The following STX16 variants were observed in gnomAD, a reference collection of about 807,000 sequenced individuals.
STX16 encodes the protein syntaxin-16.
A neutral mutation model predicts 42.7 loss-of-function variants in STX16; 28 were observed. The observed-to-expected ratio is 0.66, with a 90% CI of 0.49 to 0.90. The LOEUF is 0.90. Among genes scored for constraint, STX16 ranks in the 40% least tolerant of loss-of-function variants. The pLI is 0.00. For missense variants in STX16, 361 were observed against 420.9 expected (o/e 0.86, Z 1.24); for synonymous variants, 156 against 155.2 (o/e 1.00, Z -0.04).
chr20:58,651,939 GAA>G lies in STX16; in HGVS notation c.-66_-65del. 6.4e-7 allele frequency: 1 copy of G among 1,554,786 alleles called. No individual in the cohort carries two copies. Among genetic ancestry groups the G allele is most frequent in the Non-Finnish European group, 8.8e-7 (1 of 1,131,432 alleles). On this transcript the variant is annotated 5_prime_UTR_variant, in exon 1 of 9. Coordinates refer to ENST00000371141, the MANE Select transcript of STX16 (RefSeq NM_001001433.3). Reference sequence around the variant, plus strand: ...GGTGGGCCAGCCGGGCCACGAGAAAGAAAGTGAATAAATCAGGAATATAAGTG... The same window carrying G: ...GGTGGGCCAGCCGGGCCACGAGAAAGAGTGAATAAATCAGGAATATAAGTG...
chr20:58,663,803 G>A (rs760937028), intron 2 of STX16, among the ~76,000 whole-genome samples: 13 of 152,098 alleles, frequency 8.5e-5, no homozygotes, highest in Non-Finnish European at 1.0e-4. Flanking sequence ...TCAGCTTCCC[G>A]AGTAGCTGGG....
rs757042617 is a variant in STX16 at position 58,652,152 on chromosome 20, C to A, written c.132+14C>A. 10 of 1,612,950 alleles carry A rather than the reference C, an allele frequency of 6.2e-6. No individual in the cohort carries two copies. In the South Asian group the frequency reaches 1.1e-4, roughly 18 times the overall value. On this transcript the variant is annotated intron_variant, in intron 1 of 8. Transcript: ENST00000371141. ...AGCATTGCTGCGGTGAGTCTCCTGG[C>A]GGCCTCTCCGACACACGGACCGTGT...
Position 58,652,241 on chromosome 20 carries a change from A to G in STX16, c.132+103A>G, listed in dbSNP as rs146213246. 5.0e-5 allele frequency: 74 copies of G among 1,485,334 alleles called. No homozygotes were observed. In the African/African-American group the frequency reaches 7.9e-4, roughly 16 times the overall value. The allele number at this position is 1,485,334 out of a possible 1,614,324, so 92.0% of individuals were successfully genotyped here. On this transcript the variant is annotated intron_variant, in intron 1 of 8. Coordinates refer to ENST00000371141, the MANE Select transcript of STX16 (RefSeq NM_001001433.3). Reference sequence around the variant, plus strand: ...TCTCTGTTTAAAAAGAGAAGATAAGAATAATAAGACTAAGAATAATAAGAT... The same window carrying G: ...TCTCTGTTTAAAAAGAGAAGATAAGGATAATAAGACTAAGAATAATAAGAT...
In STX16 at chr20:58,675,135, G is replaced by A. The variant is rs557645432; in HGVS notation, c.874-1052G>A. Among the ~76,000 whole-genome samples the A allele has an allele frequency of 2.4e-3, 369 of 152,016 alleles. 2 individuals carry two copies. Among genetic ancestry groups the A allele is most frequent in the African/African-American group, 8.5e-3 (352 of 41,438 alleles). Reference sequence around the variant, plus strand: ...TCGGCTAGTCTAAGGGTGATTGAGCGTCGGGAGCTGCTCCCCATGACCGGA... The same window carrying A: ...TCGGCTAGTCTAAGGGTGATTGAGCATCGGGAGCTGCTCCCCATGACCGGA... On this transcript the variant is annotated intron_variant, in intron 8 of 8. Coordinates refer to ENST00000371141, the MANE Select transcript of STX16 (RefSeq NM_001001433.3).
chr20:58,673,517 A>T (rs1474791088), intron 7 of STX16, 114 bp from the exon 8 acceptor site: 3 of 718,920 alleles, frequency 4.2e-6, no homozygotes, highest in African/African-American at 3.5e-5. Context: ...GCACACAGGG[A>T]AGGAAAACAT....
At chr20:58,664,763 T>G (rs2083778142) in intron 2 of STX16, among the ~76,000 whole-genome samples, 1 of 152,254 alleles carries the variant, frequency 6.6e-6, no homozygotes, top group African/African-American at 2.4e-5. Context: ...ATAGATACCA[T>G]CTCTCTGTCT....
At position 58,652,050 on chromosome 20, in the gene STX16, A is replaced by G. The variant is rs969365159; in HGVS notation, c.44A>G (p.Asn15Ser). ...RLTDAFLLLR[N>S]NSIQNRQLLA... ...ACCGACGCTTTCTTGTTGTTGCGGA[A>G]TAATTCCATCCAAAACCGGCAGCTG... Residue 15 changes from asparagine to serine, a missense_variant, in exon 1 of 9, where the codon AAT (asparagine) becomes AGT (serine). Coordinates refer to ENST00000371141, the MANE Select transcript of STX16 (RefSeq NM_001001433.3). The G allele has an allele frequency of 2.3e-5, 37 of 1,614,092 alleles. No individual in the cohort carries two copies. Among genetic ancestry groups the G allele is most frequent in the Non-Finnish European group, 3.1e-5 (37 of 1,180,042 alleles).
At position 58,679,009 on chromosome 20, in the gene STX16, C is replaced by G. The variant is rs1686063978; in HGVS notation, c.*2718C>G. ...CCCTCTGGGCATCCCTGGATGCAGC[C>G]TCTGGACACATGCCTCCTTTAAAGT... On this transcript the variant is annotated 3_prime_UTR_variant, in exon 9 of 9. Transcript: ENST00000371141. The G allele has an allele frequency of 6.6e-6, 1 of 152,262 alleles. No individual in the cohort carries two copies. Among genetic ancestry groups the G allele is most frequent in the Non-Finnish European group, 1.5e-5 (1 of 68,070 alleles). The allele number at this position is 152,262 out of a possible 1,614,324, so 9.4% of individuals were successfully genotyped here.
At chr20:58,671,394 A>G in intron 7 of STX16, 97 bp downstream of exon 7, 3 of 1,290,994 alleles carry the variant, frequency 2.3e-6, no homozygotes, top group Non-Finnish European at 3.2e-6. Flanking sequence ...ATTGGAGCCA[A>G]TTTTCCCAAC....
rs766023155 is a variant in STX16 at position 58,671,234 on chromosome 20, T to G, written c.729T>G (p.Ile243Met). 2 of 1,613,962 alleles carry G rather than the reference T, an allele frequency of 1.2e-6. No individual in the cohort carries two copies. The highest frequency in any genetic ancestry group is 2.2e-5 in the South Asian group (2 of 91,062). Residue 243 changes from isoleucine (I) to methionine (M), a missense_variant, in exon 7 of 9, where the codon ATT becomes ATG. Physicochemically the swap from Ile to Met is conservative, Grantham distance 10. Transcript: ENST00000371141. ...AGCGGGAACGAGAGATTCGCCAGAT[T>G]GTACAGTCCATTTCTGACCTGAATG... ...VEEREREIRQ[I>M]VQSISDLNEI...
At chr20:58,653,762 A>G (rs1164461754) in intron 1 of STX16, among the ~76,000 whole-genome samples, 1 of 152,188 alleles carries the variant, frequency 6.6e-6, no homozygotes, top group Non-Finnish European at 1.5e-5. Flanking sequence ...TAAGATTTCT[A>G]AGGTATCAGT....
intron 7 of STX16, among the ~76,000 whole-genome samples, chr20:58,672,839 C>T (rs1034605253): frequency 1.3e-5 from 2 of 152,078 alleles, no homozygotes; most frequent in African/African-American, 2.4e-5. Flanking sequence ...TGTTGTTCAC[C>T]GTTAAAATCT....
chr20:58,652,411 A>G (rs1474266409), intron 1 of STX16: 6 of 506,402 alleles, frequency 1.2e-5, no homozygotes, highest in African/African-American at 2.5e-5. Context: ...TCACTGCGCT[A>G]CAGGCCGCCT....
intron 1 of STX16, among the ~76,000 whole-genome samples, chr20:58,653,078 T>C (rs2083508352): frequency 6.6e-6 from 1 of 152,136 alleles, no homozygotes; most frequent in African/African-American, 2.4e-5. Flanking sequence ...AATTGAAAAG[T>C]GAAGTTATGA....
chr20:58,671,440 GTGTGT>G, intron 7 of STX16, 143 bp downstream of exon 7: 2 of 358,066 alleles, frequency 5.6e-6, no homozygotes, highest in South Asian at 1.9e-4. Flanking sequence ...GTGTGTGGGT[GTGTGT>G]GTGTGTGTGT....
At chr20:58,665,540 A>T (rs891203326) in intron 2 of STX16, among the ~76,000 whole-genome samples, 3 of 152,028 alleles carry the variant, frequency 2.0e-5, no homozygotes, top group African/African-American at 7.3e-5. Context: ...CAATTTCCAT[A>T]TTTATAGGTT....
At chr20:58,672,657 T>C (rs1000903734) in intron 7 of STX16, among the ~76,000 whole-genome samples, 1 of 152,194 alleles carries the variant, frequency 6.6e-6, no homozygotes, top group African/African-American at 2.4e-5. Context: ...GAAGTTCTAA[T>C]ATTCTCTTCC....
At position 58,653,754 on chromosome 20, in the gene STX16, A is replaced by G. The variant is rs117025984; in HGVS notation, c.132+1616A>G. 4.1e-4 allele frequency among the ~76,000 whole-genome samples: 62 copies of G among 152,304 alleles called. 1 individual carries two copies. The East Asian group carries it at 0.012, about 29-fold the overall frequency. On this transcript the variant is annotated intron_variant, in intron 1 of 8. Coordinates refer to ENST00000371141, the MANE Select transcript of STX16 (RefSeq NM_001001433.3). ...TCAAAAACTACTGAAACTCATATTA[A>G]GATTTCTAAGGTATCAGTTTTAATT... is the stretch of plus-strand genomic sequence containing the variant.
chr20:58,669,380 G>C lies in STX16; in HGVS notation c.483G>C (p.Val161=). Residue 161 remains valine (V), a synonymous_variant, in exon 5 of 9, where the codon GTG becomes GTC. Transcript: ENST00000371141. ...AGGAGGGGCGGCTGCTTGGGAACGT[G>C]GTGGCCTCGCTGGCGCAGGCCCTGC... ...SEQEGRLLGN[V]VASLAQALQE... 6.2e-7 allele frequency: 1 copy of C among 1,612,372 alleles called. No individual in the cohort carries two copies. The highest frequency in any genetic ancestry group is 1.3e-5 in the African/African-American group (1 of 74,994).
Sources: gnomAD v4.1 joint callset for allele counts (sites outside exome capture counted in the v4.1 genomes callset) on GRCh38, gnomAD v4.1.1 for gene constraint, MANE v1.5 for transcripts, NCBI Gene and HGNC (gene_info 2026-07-23, HGNC 2026-07-21) for gene names.